SPAG16: variants seen among roughly 807,000 people sequenced by gnomAD.
SPAG16 encodes the protein sperm-associated antigen 16 protein.
A neutral mutation model predicts 80.4 loss-of-function variants in SPAG16; 86 were observed. The observed-to-expected ratio is 1.07, with a 90% CI of 0.90 to 1.28. SPAG16 has a LOEUF of 1.28. Among genes scored for constraint, SPAG16 ranks in the 50% most tolerant of loss-of-function variants. SPAG16 has a pLI of 0.00. For synonymous variants in SPAG16, 294 were observed against 265.9 expected (o/e 1.11, Z -1.03); for missense variants, 870 against 765.3 (o/e 1.14, Z -1.61).
intron 9 of SPAG16, among the ~76,000 whole-genome samples, chr2:213,421,433 T>A (rs111586273): frequency 0.02 from 3,069 of 152,278 alleles, 43 homozygotes; most frequent in Middle Eastern, 0.051. Flanking sequence ...CCCCTTGGCA[T>A]GAACAGCCTG....
intron 12 of SPAG16, among the ~76,000 whole-genome samples, chr2:213,979,716 G>A (rs2106409234): frequency 6.6e-6 from 1 of 152,178 alleles, no homozygotes; most frequent in South Asian, 2.1e-4. Flanking sequence ...TGAGATTTGG[G>A]TGGAGTCACA....
At position 214,014,951 on chromosome 2, in the gene SPAG16, C is replaced by G. The variant is rs961344950; in HGVS notation, c.1527+874C>G. On this transcript the variant is annotated intron_variant, in intron 13 of 15. Transcript: ENST00000331683. ...TCCAGCCAGAAGCCAGAAATAGATACTTCGAGGGAGGAGCAAAGGGAACAG... is the reference window on the plus strand; with the variant it reads ...TCCAGCCAGAAGCCAGAAATAGATAGTTCGAGGGAGGAGCAAAGGGAACAG... Among the ~76,000 whole-genome samples the G allele has an allele frequency of 3.9e-5, 6 of 152,238 alleles. No homozygotes were observed. In the East Asian group the frequency reaches 1.2e-3, roughly 29 times the overall value.
chr2:213,567,087 G>A (rs557018125), intron 10 of SPAG16, among the ~76,000 whole-genome samples: 1 of 150,868 alleles, frequency 6.6e-6, no homozygotes, highest in African/African-American at 2.4e-5. Flanking sequence ...AGGAGAGTCA[G>A]ATGCAAACAG....
At chr2:213,418,212 A>G (rs746568673) in intron 9 of SPAG16, among the ~76,000 whole-genome samples, 1 of 152,230 alleles carries the variant, frequency 6.6e-6, no homozygotes, top group Non-Finnish European at 1.5e-5. Flanking sequence ...ACATATATGC[A>G]TACATGGTAT....
At chr2:213,862,448 A>G (rs1265284324) in intron 10 of SPAG16, 37 bp from the exon 11 acceptor site, 14 of 1,599,268 alleles carry the variant, frequency 8.8e-6, no homozygotes, top group African/African-American at 1.3e-5. Context: ...ATTTGCTATT[A>G]TCTCCCCATA....
intron 10 of SPAG16, among the ~76,000 whole-genome samples, chr2:213,808,673 A>T (rs1020949412): frequency 1.3e-5 from 2 of 152,132 alleles, no homozygotes; most frequent in African/African-American, 4.8e-5. Context: ...AGATGACAGG[A>T]TCCATGTAGT....
At chr2:213,428,600 G>A (rs1336995184) in intron 9 of SPAG16, among the ~76,000 whole-genome samples, 1 of 152,118 alleles carries the variant, frequency 6.6e-6, no homozygotes, top group East Asian at 1.9e-4. Flanking sequence ...CTCCAGCTGT[G>A]GGCATTTTAA....
rs192865128 is a variant in SPAG16 at position 214,094,745 on chromosome 2, T to C, written c.1528-13451T>C. ...TTCCTCCTTTTAGAACAGGAATGTATACAGTTGTTATTCTGTGCCTGCCCA... is the reference window on the plus strand; with the variant it reads ...TTCCTCCTTTTAGAACAGGAATGTACACAGTTGTTATTCTGTGCCTGCCCA... On this transcript the variant is annotated intron_variant, in intron 13 of 15. Transcript: ENST00000331683. Among the ~76,000 whole-genome samples the C allele has an allele frequency of 2.0e-5, 3 of 152,212 alleles. No homozygotes were observed. The East Asian group carries it at 5.8e-4, about 29-fold the overall frequency.
chr2:214,007,961 C>T (rs2047102384), intron 12 of SPAG16, among the ~76,000 whole-genome samples: 1 of 151,380 alleles, frequency 6.6e-6, no homozygotes, highest in Non-Finnish European at 1.5e-5. Flanking sequence ...TCTACCTCAT[C>T]TCCCTCCCTC....
chr2:213,614,047 G>T (rs1432782322), intron 10 of SPAG16, among the ~76,000 whole-genome samples: 1 of 152,208 alleles, frequency 6.6e-6, no homozygotes, highest in Non-Finnish European at 1.5e-5. Flanking sequence ...CCATCCTCCT[G>T]TTGTGTTGGG....
intron 10 of SPAG16, among the ~76,000 whole-genome samples, chr2:213,832,360 A>G (rs2073718625): frequency 6.6e-6 from 1 of 152,030 alleles, no homozygotes; most frequent in South Asian, 2.1e-4. Flanking sequence ...CATGCTGAAT[A>G]CTTTGAACTG....
At chr2:213,480,691 T>A (rs2073703564) in intron 9 of SPAG16, among the ~76,000 whole-genome samples, 1 of 152,190 alleles carries the variant, frequency 6.6e-6, no homozygotes, top group Non-Finnish European at 1.5e-5. Flanking sequence ...TTTCCGAACC[T>A]CCATATGCTT....
chr2:213,686,253 G>A (rs2064664312), intron 10 of SPAG16, among the ~76,000 whole-genome samples: 1 of 152,024 alleles, frequency 6.6e-6, no homozygotes, highest in African/African-American at 2.4e-5. Context: ...TGAGCAGCTG[G>A]GACTATAGGT....
intron 9 of SPAG16, among the ~76,000 whole-genome samples, chr2:213,381,199 A>G (rs2067155292): frequency 6.6e-6 from 1 of 152,162 alleles, no homozygotes; most frequent in East Asian, 1.9e-4. Context: ...TTCAGAGCCA[A>G]TTTCTAATTA....
chr2:214,086,745 G>A (rs1290638771), intron 13 of SPAG16, among the ~76,000 whole-genome samples: 4 of 152,204 alleles, frequency 2.6e-5, no homozygotes. Flanking sequence ...TATTTTCGAT[G>A]TCTCCTCCCT....
At chr2:214,202,888 T>C (rs1240072629) in intron 15 of SPAG16, among the ~76,000 whole-genome samples, 2 of 152,188 alleles carry the variant, frequency 1.3e-5, no homozygotes, top group Non-Finnish European at 2.9e-5. Context: ...CACAGATGTT[T>C]TCCGGCTATC....
chr2:213,685,835 T>C (rs1278923207), intron 10 of SPAG16, among the ~76,000 whole-genome samples: 1 of 152,170 alleles, frequency 6.6e-6, no homozygotes, highest in Non-Finnish European at 1.5e-5. Flanking sequence ...AAATTATGAA[T>C]AAACCACAAA....
At chr2:214,020,959 C>T (rs774553969) in intron 13 of SPAG16, among the ~76,000 whole-genome samples, 1 of 152,010 alleles carries the variant, frequency 6.6e-6, no homozygotes, top group African/African-American at 2.4e-5. Flanking sequence ...AAGTTTCTTT[C>T]GAAAATGGTG....
intron 10 of SPAG16, among the ~76,000 whole-genome samples, chr2:213,612,992 A>G (rs940407164): frequency 6.6e-6 from 1 of 152,176 alleles, no homozygotes; most frequent in Non-Finnish European, 1.5e-5. Flanking sequence ...TTTTAAAATG[A>G]TGGAATCATT....
Sources: allele counts gnomAD v4.1 joint callset (sites outside exome capture counted in the v4.1 genomes callset), GRCh38; gene constraint gnomAD v4.1.1; transcripts MANE v1.5; gene names NCBI Gene and HGNC (gene_info 2026-07-23, HGNC 2026-07-21).